APPBP2: variants seen among roughly 807,000 people sequenced by gnomAD.
APPBP2 encodes the protein amyloid beta precursor protein binding protein 2, also known as amyloid protein-binding protein 2.
Under a neutral mutation model 76.0 loss-of-function variants are expected in APPBP2, and 15 were observed. The ratio of observed to expected loss-of-function variants is 0.20; its 90% CI spans 0.13 to 0.30. APPBP2 has a LOEUF of 0.30. APPBP2 is among the 10% of genes least tolerant of loss of function. The pLI, the probability that APPBP2 is intolerant of heterozygous loss-of-function variation, is 1.00. For missense variants in APPBP2, 401 were observed against 687.2 expected, an observed-to-expected ratio of 0.58 and a Z score of 4.66; for synonymous variants, 222 against 242.2, an observed-to-expected ratio of 0.92 and a Z score of 0.77.
At chr17:60,500,012 CTT>C (rs563111313) in intron 2 of APPBP2, among the ~76,000 whole-genome samples, 25 of 137,928 alleles carry the variant, frequency 1.8e-4, no homozygotes, top group Admixed American at 2.9e-4. Flanking sequence ...TGTGAATATA[CTT>C]TTTTTTTTTT....
intron 9 of APPBP2, 94 bp from the exon 10 acceptor site, chr17:60,456,475 A>G: frequency 1.2e-6 from 1 of 811,890 alleles, no homozygotes; most frequent in Admixed American, 2.1e-5. Context: ...ATATTGATAG[A>G]AAGTACTTCT....
chr17:60,505,981 C>T (rs1440909589), intron 1 of APPBP2, among the ~76,000 whole-genome samples: 1 of 147,862 alleles, frequency 6.8e-6, no homozygotes, highest in Admixed American at 6.6e-5. Context: ...CCATGCCTGG[C>T]CTTTCTTTTT....
rs1455383187 is a variant in APPBP2, at chr17:60,447,156, A to G, written c.*425T>C. 1 of 156,266 alleles carries G rather than the reference A, an allele frequency of 6.4e-6. No homozygotes were observed. The highest frequency in any genetic ancestry group is 1.4e-5 in the Non-Finnish European group (1 of 70,412). 9.7% of individuals were successfully genotyped at this position (156,266 alleles called of 1,614,324 possible). ...TCCGCATAAAATTTCTTTACACTACAGTATTGAATACCTCCACATGGAAGA... is the reference window on the plus strand; with the variant it reads ...TCCGCATAAAATTTCTTTACACTACGGTATTGAATACCTCCACATGGAAGA... On this transcript the variant is annotated 3_prime_UTR_variant, in exon 13 of 13. Coordinates refer to ENST00000083182, the MANE Select transcript of APPBP2 (RefSeq NM_006380.5).
At chr17:60,512,394 T>C (rs1321604436) in intron 1 of APPBP2, among the ~76,000 whole-genome samples, 2 of 152,126 alleles carry the variant, frequency 1.3e-5, no homozygotes, top group Non-Finnish European at 2.9e-5. Context: ...GAGTCAGATA[T>C]AATCCTTCCT....
intron 3 of APPBP2, among the ~76,000 whole-genome samples, chr17:60,482,659 C>T (rs2090639541): frequency 6.6e-6 from 1 of 152,130 alleles, no homozygotes; most frequent in South Asian, 2.1e-4. Flanking sequence ...TGTTCAATTC[C>T]CACCTGAGTG....
rs1598343255 is a variant in APPBP2, at chr17:60,447,274, T to C, written c.*307A>G. 4.1e-6 allele frequency: 1 copy of C among 242,512 alleles called. No individual in the cohort carries two copies. The highest frequency in any genetic ancestry group is 1.3e-3 in the Middle Eastern group (1 of 760). The allele number at this position is 242,512 out of a possible 1,614,324, so 15.0% of individuals were successfully genotyped here. On this transcript the variant is annotated 3_prime_UTR_variant, in exon 13 of 13. Transcript: ENST00000083182. ...ATAGTTTTATTTAGGGGTATTTTTT[T>C]TCTTTCAGGCTTTCTGCAAAATGAA...
chr17:60,465,555 T>G (rs2090504823), intron 5 of APPBP2, among the ~76,000 whole-genome samples: 1 of 152,078 alleles, frequency 6.6e-6, no homozygotes, highest in African/African-American at 2.4e-5. Flanking sequence ...TATAAACCCC[T>G]AAATCCAAAT....
chr17:60,452,262 T>C (rs2090400883), intron 11 of APPBP2, among the ~76,000 whole-genome samples: 1 of 152,182 alleles, frequency 6.6e-6, no homozygotes, highest in African/African-American at 2.4e-5. Context: ...TAGTATCCTA[T>C]GTCAAAAGTA....
intron 4 of APPBP2, among the ~76,000 whole-genome samples, chr17:60,468,819 A>C (rs1233354105): frequency 6.6e-6 from 1 of 152,226 alleles, no homozygotes; most frequent in African/African-American, 2.4e-5. Flanking sequence ...TACTTTCATA[A>C]CATAAAATTA....
At chr17:60,521,962 G>C (rs1316088936) in intron 1 of APPBP2, among the ~76,000 whole-genome samples, 1 of 152,116 alleles carries the variant, frequency 6.6e-6, no homozygotes, top group Non-Finnish European at 1.5e-5. Context: ...TGCTATATGA[G>C]TTTGTAGCCT....
intron 1 of APPBP2, among the ~76,000 whole-genome samples, chr17:60,514,017 A>C (rs1220351736): frequency 1.3e-5 from 2 of 151,084 alleles, no homozygotes; most frequent in Admixed American, 6.6e-5. Context: ...AAAAAAAAAA[A>C]AACACAGCCA....
intron 1 of APPBP2, among the ~76,000 whole-genome samples, chr17:60,505,723 G>A (rs2090862870): frequency 1.1e-5 from 1 of 94,356 alleles, no homozygotes; most frequent in Non-Finnish European, 1.9e-5. Context: ...TTTCACTCTT[G>A]TTGCCCAGGC....
intron 3 of APPBP2, among the ~76,000 whole-genome samples, chr17:60,482,405 G>A (rs1004643974): frequency 7.2e-5 from 11 of 152,102 alleles, no homozygotes; most frequent in South Asian, 2.1e-4. Flanking sequence ...ACTTAGTAAT[G>A]CAGTCCTTTC....
intron 1 of APPBP2, among the ~76,000 whole-genome samples, chr17:60,516,135 C>T (rs1459412465): frequency 6.6e-6 from 1 of 151,976 alleles, no homozygotes; most frequent in Non-Finnish European, 1.5e-5. Context: ...TGCACTCCTG[C>T]CTCGGAGGAA....
intron 10 of APPBP2, among the ~76,000 whole-genome samples, chr17:60,454,974 T>A (rs1024945257): frequency 6.6e-6 from 1 of 152,220 alleles, no homozygotes; most frequent in African/African-American, 2.4e-5. Flanking sequence ...GACATTTCAA[T>A]TTCAAAGCTC....
chr17:60,456,758 C>T (rs1168580280), intron 9 of APPBP2, among the ~76,000 whole-genome samples: 2 of 152,104 alleles, frequency 1.3e-5, no homozygotes, highest in Non-Finnish European at 2.9e-5. Flanking sequence ...TGGCTTTACC[C>T]TTTCTATAAT....
At chr17:60,463,990 A>G (rs2090493036) in intron 6 of APPBP2, 31 bp downstream of exon 6, 1 of 1,443,678 alleles carries the variant, frequency 6.9e-7, no homozygotes, top group African/African-American at 1.4e-5. Flanking sequence ...AAATCCTATA[A>G]TTCATTTAAT....
chr17:60,458,999 C>T (rs1033095409), intron 9 of APPBP2, among the ~76,000 whole-genome samples: 1 of 151,996 alleles, frequency 6.6e-6, no homozygotes, highest in Non-Finnish European at 1.5e-5. Flanking sequence ...TCTCCATCTC[C>T]TGACCTCGTG....
Position 60,445,766 on chromosome 17 carries a change from T to C in APPBP2, c.*1815A>G, listed in dbSNP as rs893560410. The stretch of plus-strand genomic sequence containing the variant: ...GTACGTCAATTTACTCTTTCCAAAA[T>C]TTAAAAAGAAAATAATTCGATTTGA... On this transcript the variant is annotated 3_prime_UTR_variant, in exon 13 of 13. Transcript: ENST00000083182. 2 of 152,126 alleles carry C rather than the reference T, an allele frequency of 1.3e-5. No homozygotes were observed. The highest frequency in any genetic ancestry group is 1.3e-4 in the Admixed American group (2 of 15,274). The allele number at this position is 152,126 out of a possible 1,614,324, so 9.4% of individuals were successfully genotyped here.
Sources: gnomAD v4.1 joint callset for allele counts (sites outside exome capture counted in the v4.1 genomes callset) on GRCh38, gnomAD v4.1.1 for gene constraint, MANE v1.5 for transcripts, NCBI Gene and HGNC (gene_info 2026-07-23, HGNC 2026-07-21) for gene names.